The following PIAS3 variants were observed in gnomAD, a reference collection of about 807,000 sequenced individuals.
PIAS3 encodes the protein E3 SUMO-protein ligase PIAS3.
Under a neutral mutation model 67.6 loss-of-function variants are expected in PIAS3, and 34 were observed. That is an observed-to-expected ratio of 0.50 (90% confidence interval 0.38 to 0.67). The LOEUF (loss-of-function observed/expected upper bound fraction) is 0.67. Among genes scored for constraint, PIAS3 ranks in the 30% least tolerant of loss-of-function variants. PIAS3 has a pLI of 0.00. For missense variants in PIAS3, 693 were observed against 791.6 expected (o/e 0.88, Z 1.49); for synonymous variants, 341 against 313.8 (o/e 1.09, Z -0.92).
chr1:145,855,705 A>T, intron 5 of PIAS3, 31 bp downstream of exon 5: 1 of 1,124,798 alleles, frequency 8.9e-7, no homozygotes, highest in African/African-American at 1.5e-5. Context: ...ACGGTAAGGG[A>T]TTACTGACAG....
chr1:145,856,167 G>A, intron 3 of PIAS3, 49 bp from the exon 4 acceptor site: 1 of 1,529,106 alleles, frequency 6.5e-7, no homozygotes, highest in Non-Finnish European at 9.1e-7. Context: ...GCCCCCAGAG[G>A]GCAAGGGTGA....
chr1:145,854,608 C>T (rs1653086904), intron 6 of PIAS3, 45 bp from the exon 7 acceptor site: 11 of 1,563,904 alleles, frequency 7.0e-6, no homozygotes, highest in Non-Finnish European at 9.7e-6. Context: ...GCTTCTCATA[C>T]CACCACTGCC....
In PIAS3 at chr1:145,850,865, T is replaced by C. The variant is rs1553734149; in HGVS notation, c.1354A>G (p.Ile452Val). 1 of 1,614,234 alleles carries C rather than the reference T, an allele frequency of 6.2e-7. No homozygotes were observed. The highest frequency in any genetic ancestry group is 1.7e-5 in the Admixed American group (1 of 60,020). The change falls in exon 11 of 14, where the codon ATA becomes GTA. Residue 452 changes from isoleucine (I) to valine (V), a missense_variant. Ile to Val is a conservative substitution (Grantham distance 29). Coordinates refer to ENST00000393045, the MANE Select transcript of PIAS3 (RefSeq NM_006099.3). ...TCCTCCTCATCTGATGAGCTTTCTATTGTCAAGTCAATAACTTCGACCTTC... is the reference window on the plus strand; with the variant it reads ...TCCTCCTCATCTGATGAGCTTTCTACTGTCAAGTCAATAACTTCGACCTTC... ...KKKVEVIDLT[I>V]ESSSDEEDLP...
chr1:145,851,676 A>AAT (rs1265843490), intron 9 of PIAS3, among the ~76,000 whole-genome samples: 21 of 146,554 alleles, frequency 1.4e-4, no homozygotes, highest in African/African-American at 5.4e-4. Context: ...AAAAAAAAAA[A>AAT]GCCGGCGTGG....
intron 11 of PIAS3, 78 bp from the exon 12 acceptor site, chr1:145,850,664 TG>T: frequency 6.3e-7 from 1 of 1,597,174 alleles, no homozygotes; most frequent in Non-Finnish European, 8.6e-7. Flanking sequence ...GTTCCCTCTC[TG>T]TCCCCTCCAC....
At position 145,858,967 on chromosome 1, in the gene PIAS3, C is replaced by CTTTA; in HGVS notation, c.20_23dup (p.Lys8AsnfsTer12). On this transcript the variant is annotated frameshift_variant and splice_region_variant, in exon 1 of 14. Coordinates refer to ENST00000393045, the MANE Select transcript of PIAS3 (RefSeq NM_006099.3). LOFTEE classifies it high-confidence loss of function. Reference sequence around the variant, plus strand: ...GGGGATGGGGGGAGGGGGCCGGTACCTTTAATTCGCCCAGCTCCGCCATCT... The same window carrying CTTTA: ...GGGGATGGGGGGAGGGGGCCGGTACCTTTATTTAATTCGCCCAGCTCCGCCATCT... 1 of 1,539,856 alleles carries CTTTA rather than the reference C, an allele frequency of 6.5e-7. No individual in the cohort carries two copies. The highest frequency in any genetic ancestry group is 8.7e-7 in the Non-Finnish European group (1 of 1,144,192).
At chr1:145,854,368 A>G in intron 7 of PIAS3, 90 bp downstream of exon 7, 1 of 892,826 alleles carries the variant, frequency 1.1e-6, no homozygotes, top group Non-Finnish European at 1.8e-6. Flanking sequence ...AAGTTGTCAA[A>G]AAAGAGGTAT....
chr1:145,853,033 T>TAAGGTGAGAA (rs1355265172), intron 9 of PIAS3, among the ~76,000 whole-genome samples: 1 of 151,910 alleles, frequency 6.6e-6, no homozygotes, highest in Non-Finnish European at 1.5e-5. Context: ...AAGGGATAGA[T>TAAGGTGAGAA]AAGGTGAGAA....
Position 145,850,584 on chromosome 1 carries a change from A to C in PIAS3, c.1451T>G (p.Val484Gly). 6.2e-7 allele frequency: 1 copy of C among 1,613,952 alleles called. No individual in the cohort carries two copies. Among genetic ancestry groups the C allele is most frequent in the Non-Finnish European group, 8.5e-7 (1 of 1,179,920 alleles). Residue 484 changes from valine (V) to glycine (G), a missense_variant and splice_region_variant, in exon 12 of 14, where the codon GTC (valine) becomes GGC (glycine). Transcript: ENST00000393045. ...GGATGGCTGGTGGCCAGATGTCAGG[A>C]CTCTGTGGGTAGAGAGGAGCTGAGG... ...AIPALPGSKG[V>G]LTSGHQPSSV... is the part of the protein sequence containing the mutation.
At chr1:145,854,681 G>A (rs1257566440) in intron 6 of PIAS3, 65 bp downstream of exon 6, 1 of 1,609,922 alleles carries the variant, frequency 6.2e-7, no homozygotes, top group Non-Finnish European at 8.5e-7. Context: ...CCCAACCCAG[G>A]ACACTGGATG....
rs377373654 is a variant in PIAS3 at position 145,854,752 on chromosome 1, G to C, written c.798C>G (p.Phe266Leu). The change falls in exon 6 of 14, where the codon TTC becomes TTG. Residue 266 changes from phenylalanine to leucine, a missense_variant. Physicochemically the swap from Phe to Leu is conservative, Grantham distance 22 (BLOSUM62 0). Coordinates refer to ENST00000393045, the MANE Select transcript of PIAS3 (RefSeq NM_006099.3). ...NTIVVNWSSE[F>L]GRNYSLSVYL... The stretch of plus-strand genomic sequence containing the variant: ...CTGCTTTAGCTGTGCTCACCCGTCC[G>C]AACTCAGATGACCAATTGACCACAA... The C allele has an allele frequency of 2.2e-5, 35 of 1,614,056 alleles. No individual in the cohort carries two copies. The highest frequency in any genetic ancestry group is 2.6e-5 in the Non-Finnish European group (31 of 1,180,028).
chr1:145,856,750 G>C lies in PIAS3; in HGVS notation c.281C>G (p.Ala94Gly). Residue 94 changes from alanine (A) to glycine (G), a missense_variant, in exon 2 of 14, where the codon GCT (alanine) becomes GGT (glycine). Physicochemically the swap from Ala to Gly is moderately conservative, Grantham distance 60. Transcript: ENST00000393045. ...TSPVGSPGPL[A>G]PIPPTLLAPG... ...GGCCAACAGCGTTGGGGGAATGGGAGCTAGAGGACCAGGGGAGCCTACAGG... is the reference window on the plus strand; with the variant it reads ...GGCCAACAGCGTTGGGGGAATGGGACCTAGAGGACCAGGGGAGCCTACAGG... 1 of 1,614,134 alleles carries C rather than the reference G, an allele frequency of 6.2e-7. No homozygotes were observed. Among genetic ancestry groups the C allele is most frequent in the Non-Finnish European group, 8.5e-7 (1 of 1,180,008 alleles).
At chr1:145,855,707 T>G (rs1186098810) in intron 5 of PIAS3, 29 bp downstream of exon 5, 1 of 1,160,118 alleles carries the variant, frequency 8.6e-7, no homozygotes, top group Admixed American at 2.0e-5. Flanking sequence ...GGTAAGGGAT[T>G]ACTGACAGAA....
chr1:145,854,360 G>A lies in PIAS3; in HGVS notation c.910+98C>T, dbSNP rs587734146. ...GGGGTTCATGTGAGAAGGGGAGTAAGTTGTCAAAAAAGAGGTATGGGTTTA... is the reference window on the plus strand; with the variant it reads ...GGGGTTCATGTGAGAAGGGGAGTAAATTGTCAAAAAAGAGGTATGGGTTTA... On this transcript the variant is annotated intron_variant, in intron 7 of 13. Coordinates refer to ENST00000393045, the MANE Select transcript of PIAS3 (RefSeq NM_006099.3). The A allele has an allele frequency of 1.1e-5, 9 of 809,652 alleles. No individual in the cohort carries two copies. In the South Asian group the frequency reaches 1.4e-4, roughly 12 times the overall value. 50.2% of individuals were successfully genotyped at this position (809,652 alleles called of 1,614,324 possible). A position where few individuals can be genotyped will look rare whatever the true frequency, so the allele number is the denominator to read the frequency against.
intron 9 of PIAS3, among the ~76,000 whole-genome samples, chr1:145,852,538 A>AG (rs1164470190): frequency 6.6e-6 from 1 of 151,040 alleles, no homozygotes; most frequent in Admixed American, 6.6e-5. Context: ...CCTATCTCAT[A>AG]GGGTTTTTTT....
intron 9 of PIAS3, among the ~76,000 whole-genome samples, chr1:145,852,497 G>A (rs1311680132): frequency 2.0e-5 from 3 of 151,872 alleles, no homozygotes; most frequent in African/African-American, 4.8e-5. Flanking sequence ...AATCTCTCTC[G>A]GCCTCAGTTT....
Position 145,856,678 on chromosome 1 carries a change from G to A in PIAS3, c.353C>T (p.Pro118Leu), listed in dbSNP as rs1553735700. ...ATCAGGGTGCACAGGCTGGGGCAGA[G>A]GGGGGTGCATGTCCACCTCACGCTT... ...GPKREVDMHP[P>L]LPQPVHPDVT... The change falls in exon 2 of 14, where the codon CCT becomes CTT. Residue 118 changes from proline to leucine, a missense_variant. Physicochemically the swap from Pro to Leu is moderately conservative, Grantham distance 98 (BLOSUM62 -3). Around this residue, in one of 3 missense-constraint regions of PIAS3, gnomAD observed 308 missense variants for 348.8 expected, o/e 0.88. Transcript: ENST00000393045. 6.2e-7 allele frequency: 1 copy of A among 1,607,756 alleles called. No individual in the cohort carries two copies. The highest frequency in any genetic ancestry group is 8.5e-7 in the Non-Finnish European group (1 of 1,175,944).
At position 145,853,839 on chromosome 1, in the gene PIAS3, T is replaced by G. The variant is rs1553734899; in HGVS notation, c.958A>C (p.Ser320Arg). 1 of 1,614,056 alleles carries G rather than the reference T, an allele frequency of 6.2e-7. No individual in the cohort carries two copies. The highest frequency in any genetic ancestry group is 8.5e-7 in the Non-Finnish European group (1 of 1,180,000). The change falls in exon 8 of 14, where the codon AGT becomes CGT. Residue 320 changes from serine to arginine, a missense_variant. Physicochemically the swap from Ser to Arg is moderately radical, Grantham distance 110. Coordinates refer to ENST00000393045, the MANE Select transcript of PIAS3 (RefSeq NM_006099.3). ...ADPDSEVATTSLRVSLMCPLG... is the reference protein window; with the variant it reads ...ADPDSEVATTRLRVSLMCPLG... ...GGGCACATGAGTGACACCCGGAGAC[T>G]TGTAGTGGCCACCTCACTGTCAGGG...
chr1:145,853,718 A>G, intron 8 of PIAS3, 54 bp from the exon 9 acceptor site: 1 of 1,609,506 alleles, frequency 6.2e-7, no homozygotes, highest in Non-Finnish European at 8.5e-7. Context: ...TCATCCCAGA[A>G]AACTTCACGC....
Sources: allele counts gnomAD v4.1 joint callset (sites outside exome capture counted in the v4.1 genomes callset), GRCh38; gene constraint gnomAD v4.1.1; regional missense constraint gnomAD v4.1.1; transcripts MANE v1.5; gene names NCBI Gene and HGNC (gene_info 2026-07-23, HGNC 2026-07-21).